CELF5: variants seen among roughly 807,000 people sequenced by gnomAD.
CELF5 encodes the protein CUGBP Elav-like family member 5.
CELF5 carries 6 observed loss-of-function variants against 54.9 expected under a neutral mutation model. The ratio of observed to expected loss-of-function variants is 0.11; its 90% CI spans 0.06 to 0.22. The LOEUF is 0.22. CELF5 is among the 10% of genes least tolerant of loss of function. CELF5 has a pLI of 1.00. For synonymous variants in CELF5, 271 were observed against 290.9 expected (o/e 0.93, Z 0.70); for missense variants, 401 against 678.6 (o/e 0.59, Z 4.54).
At chr19:3,287,060 A>AAAAG (rs199873314) in intron 10 of CELF5, among the ~76,000 whole-genome samples, 9 of 124,854 alleles carry the variant, frequency 7.2e-5, no homozygotes, top group African/African-American at 2.3e-4. Context: ...AAAAGAAAAG[A>AAAAG]AAAGAAAAAA....
Position 3,282,359 on chromosome 19 carries a change from C to G in CELF5, c.900C>G (p.His300Gln). 2 of 1,609,518 alleles carry G rather than the reference C, an allele frequency of 1.2e-6. No homozygotes were observed. Among genetic ancestry groups the G allele is most frequent in the Non-Finnish European group, 1.7e-6 (2 of 1,179,960 alleles). The part of the protein sequence containing the change: ...ATPIAPASGL[H>Q]SPPLLGTTAV... ...CCCTCTTCCGCTCTGCAGGGCTGCA[C>G]TCACCCCCGCTGCTGGGCACCACCG... The change falls in exon 8 of 13, where the codon CAC becomes CAG. Residue 300 changes from histidine to glutamine, a missense_variant. Transcript: ENST00000292672. This position sits in a 1 kb window ranked among gnomAD's most constrained non-coding sequence, Gnocchi z 5.2.
chr19:3,256,537 A>T (rs1029564185), intron 2 of CELF5, among the ~76,000 whole-genome samples: 13 of 11,928 alleles, frequency 1.1e-3, no homozygotes, highest in Admixed American at 2.4e-3. Context: ...GGTTTCATTT[A>T]TTATTATTAT....
intron 1 of CELF5, among the ~76,000 whole-genome samples, chr19:3,236,984 A>C (rs1331033083): frequency 8.9e-6 from 1 of 112,052 alleles, no homozygotes; most frequent in Non-Finnish European, 1.8e-5. Context: ...GCAAGACTCC[A>C]TCTCAAAAAA....
chr19:3,286,273 G>A, intron 10 of CELF5: 1 of 463,094 alleles, frequency 2.2e-6, no homozygotes. Context: ...CTTCCTACCA[G>A]CCCTCTCCAG....
intron 1 of CELF5, among the ~76,000 whole-genome samples, chr19:3,233,877 G>A (rs956261946): frequency 2.0e-5 from 3 of 152,210 alleles, no homozygotes; most frequent in Admixed American, 6.5e-5. Context: ...GGAAACTAAG[G>A]CACAGAAGGC....
intron 2 of CELF5, among the ~76,000 whole-genome samples, chr19:3,262,287 C>T (rs2079816370): frequency 6.6e-6 from 1 of 152,130 alleles, no homozygotes; most frequent in Non-Finnish European, 1.5e-5. Context: ...TCTTGGCCTC[C>T]CAAAGTGCTG....
At chr19:3,245,401 C>T (rs1271663403) in intron 1 of CELF5, among the ~76,000 whole-genome samples, 8 of 140,902 alleles carry the variant, frequency 5.7e-5, no homozygotes, top group South Asian at 2.3e-4. Flanking sequence ...TGTGTGTGTG[C>T]GTGTGTGTGT....
chr19:3,265,277 G>T (rs932305796), intron 2 of CELF5, among the ~76,000 whole-genome samples: 1 of 152,204 alleles, frequency 6.6e-6, no homozygotes, highest in Non-Finnish European at 1.5e-5. Context: ...GATTGAGGAT[G>T]CAGTGAGCTA....
In CELF5 at chr19:3,274,555, G is replaced by A. The variant is rs569989431; in HGVS notation, c.394+632G>A. Among the ~76,000 whole-genome samples the A allele has an allele frequency of 8.5e-5, 13 of 152,342 alleles. No individual in the cohort carries two copies. The South Asian group carries it at 2.5e-3, about 29-fold the overall frequency. On this transcript the variant is annotated intron_variant, in intron 3 of 12. Transcript: ENST00000292672. The stretch of plus-strand genomic sequence containing the variant: ...TGACTGTTGGAGGCTGGGCATGTGG[G>A]CAGACATGCAGGCTGGGGCCAGTGT...
chr19:3,262,385 C>T (rs2079817587), intron 2 of CELF5, among the ~76,000 whole-genome samples: 1 of 152,044 alleles, frequency 6.6e-6, no homozygotes, highest in South Asian at 2.1e-4. Flanking sequence ...AAACTTAAAC[C>T]ACCACATGTG....
chr19:3,248,903 TTCC>T (rs1259037899), intron 1 of CELF5, among the ~76,000 whole-genome samples: 2 of 123,972 alleles, frequency 1.6e-5, no homozygotes, highest in Admixed American at 1.0e-4. Flanking sequence ...CCTTCCTTCC[TTCC>T]TTTCTTTCTT....
At chr19:3,252,678 G>T (rs1356681072) in intron 2 of CELF5, among the ~76,000 whole-genome samples, 1 of 152,172 alleles carries the variant, frequency 6.6e-6, no homozygotes, top group Admixed American at 6.5e-5. Context: ...AGCATTGGAA[G>T]GTTCTGGGCC....
intron 12 of CELF5, 103 bp from the exon 13 acceptor site, chr19:3,296,655 C>T (rs1568372699): frequency 6.6e-6 from 1 of 152,190 alleles, no homozygotes; most frequent in East Asian, 1.9e-4. Context: ...CCGCCGAGGC[C>T]CCCGAGGGCC....
Position 3,285,958 on chromosome 19 carries a change from G to A in CELF5, c.1119G>A (p.Ala373=), listed in dbSNP as rs369842870. ...TCTCCGCAGCCATGTACCCCACCGC[G>A]GCCATCACGCCCATCGCGCACAGCG... ...VQQYTAMYPT[A]AITPIAHSVP... Residue 373 remains alanine (A), a synonymous_variant, in exon 10 of 13, where the codon GCG becomes GCA. Coordinates refer to ENST00000292672, the MANE Select transcript of CELF5 (RefSeq NM_021938.4). 1.1e-4 allele frequency: 176 copies of A among 1,586,276 alleles called. No individual in the cohort carries two copies. Among genetic ancestry groups the A allele is most frequent in the Admixed American group, 1.6e-4 (9 of 57,512 alleles).
intron 1 of CELF5, chr19:3,225,498 A>G (rs1312899194): frequency 4.1e-5 from 4 of 98,016 alleles, no homozygotes; most frequent in African/African-American, 3.2e-4. Flanking sequence ...CAGCCTCCCC[A>G]GGCCCCGTCG....
chr19:3,276,521 T>C (rs1057072278), intron 4 of CELF5, among the ~76,000 whole-genome samples: 1 of 5,570 alleles, frequency 1.8e-4, no homozygotes, highest in Non-Finnish European at 3.5e-4. Context: ...ATATAGGGGG[T>C]GGGGCTGGCC....
intron 4 of CELF5, among the ~76,000 whole-genome samples, chr19:3,276,343 G>T (rs938257980): frequency 6.6e-6 from 1 of 151,284 alleles, no homozygotes; most frequent in Non-Finnish European, 1.5e-5. Flanking sequence ...CTGGCTCTGA[G>T]GATGTAGCCC....
chr19:3,225,571 C>T, intron 1 of CELF5: 1 of 977,068 alleles, frequency 1.0e-6, no homozygotes, highest in Non-Finnish European at 1.2e-6. Context: ...GCCGGCGGGG[C>T]AGGTCCGGCC....
intron 1 of CELF5, among the ~76,000 whole-genome samples, chr19:3,227,891 G>A (rs1291444055): frequency 9.2e-5 from 14 of 152,128 alleles, no homozygotes; most frequent in Non-Finnish European, 1.2e-4. Flanking sequence ...GAGGCCCCCA[G>A]AGATGGTGCT....
Sources: allele counts gnomAD v4.1 joint callset (sites outside exome capture counted in the v4.1 genomes callset), GRCh38; gene constraint gnomAD v4.1.1; non-coding constraint Gnocchi (gnomAD v3.1); transcripts MANE v1.5; gene names NCBI Gene and HGNC (gene_info 2026-07-23, HGNC 2026-07-21).